NUMB: variants seen among roughly 807,000 people sequenced by gnomAD.
NUMB encodes NUMB endocytic adaptor protein, also known as protein numb homolog.
NUMB carries 29 observed loss-of-function variants against 59.7 expected under a neutral mutation model. The observed-to-expected ratio is 0.49, with a 90% CI of 0.36 to 0.66. The LOEUF is 0.66. NUMB is among the 30% of genes least tolerant of loss of function. The probability of loss-of-function intolerance (pLI) is 0.00; values close to 1 mark genes in which losing one functional copy is unlikely to be tolerated. For missense variants in NUMB, 723 were observed against 822.0 expected, an observed-to-expected ratio of 0.88 and a Z score of 1.47; for synonymous variants, 288 against 288.2, an observed-to-expected ratio of 1.00 and a Z score of 0.01.
chr14:73,410,978 T>A (rs1335731983), intron 1 of NUMB, among the ~76,000 whole-genome samples: 1 of 152,206 alleles, frequency 6.6e-6, no homozygotes, highest in African/African-American at 2.4e-5. Flanking sequence ...GGGTTAAGTC[T>A]TCTAATACAG....
At chr14:73,422,364 C>T (rs999789212) in intron 1 of NUMB, among the ~76,000 whole-genome samples, 1 of 152,084 alleles carries the variant, frequency 6.6e-6, no homozygotes, top group Non-Finnish European at 1.5e-5. Context: ...TTGTGGAGAA[C>T]CAGAGCCTTT....
chr14:73,431,684 G>A (rs1224395987), intron 1 of NUMB, among the ~76,000 whole-genome samples: 1 of 151,956 alleles, frequency 6.6e-6, no homozygotes, highest in East Asian at 1.9e-4. Context: ...AGGAGGCAGA[G>A]GTTGCAGTGA....
intron 12 of NUMB, among the ~76,000 whole-genome samples, chr14:73,277,726 C>T (rs1287390658): frequency 6.6e-6 from 1 of 150,912 alleles, no homozygotes; most frequent in Non-Finnish European, 1.5e-5. Flanking sequence ...TGTGCCACTG[C>T]ACTCTGGCCT....
chr14:73,330,664 G>C (rs767294677), intron 4 of NUMB, among the ~76,000 whole-genome samples: 1 of 152,140 alleles, frequency 6.6e-6, no homozygotes, highest in Non-Finnish European at 1.5e-5. Context: ...CCCACACATA[G>C]CAAATACTAT....
At chr14:73,411,979 C>T (rs1396016549) in intron 1 of NUMB, among the ~76,000 whole-genome samples, 2 of 136,884 alleles carry the variant, frequency 1.5e-5, no homozygotes, top group East Asian at 4.6e-4. Context: ...GGCTAGAGTG[C>T]AGTGGTACAA....
intron 4 of NUMB, among the ~76,000 whole-genome samples, chr14:73,352,028 GATTA>G (rs1445248506): frequency 6.6e-6 from 1 of 151,588 alleles, no homozygotes; most frequent in Non-Finnish European, 1.5e-5. Flanking sequence ...TGCTTAATAG[GATTA>G]ATTTTATGTT....
intron 5 of NUMB, among the ~76,000 whole-genome samples, chr14:73,318,325 A>C (rs1462006641): frequency 6.6e-6 from 1 of 152,262 alleles, no homozygotes; most frequent in Non-Finnish European, 1.5e-5. Flanking sequence ...ATGCATAAAA[A>C]GACAGTTATT....
intron 1 of NUMB, among the ~76,000 whole-genome samples, chr14:73,420,990 T>C (rs1232961557): frequency 6.6e-6 from 1 of 151,992 alleles, no homozygotes; most frequent in Non-Finnish European, 1.5e-5. Flanking sequence ...GGAAAAAAAA[T>C]CTATCTTTAG....
At chr14:73,329,993 C>A (rs1034196212) in intron 4 of NUMB, among the ~76,000 whole-genome samples, 8 of 152,132 alleles carry the variant, frequency 5.3e-5, no homozygotes, top group African/African-American at 7.2e-5. Context: ...CTGCTTATTT[C>A]TTTTACTAAT....
chr14:73,386,405 C>T (rs2140088202), intron 2 of NUMB, among the ~76,000 whole-genome samples: 1 of 152,300 alleles, frequency 6.6e-6, no homozygotes, highest in East Asian at 1.9e-4. Flanking sequence ...CCACTACCCA[C>T]CCATACACCA....
At chr14:73,413,163 C>T (rs1156689938) in intron 1 of NUMB, among the ~76,000 whole-genome samples, 1 of 151,738 alleles carries the variant, frequency 6.6e-6, no homozygotes, top group Non-Finnish European at 1.5e-5. Flanking sequence ...CGGCTCACTG[C>T]AACCTCTGCC....
intron 1 of NUMB, among the ~76,000 whole-genome samples, chr14:73,428,325 T>C (rs1037024230): frequency 1.3e-5 from 2 of 152,196 alleles, no homozygotes; most frequent in Admixed American, 6.6e-5. Context: ...AAGAACACTT[T>C]ATGAGGTCTC....
Position 73,319,009 on chromosome 14 carries a change from C to T in NUMB, c.202-2587G>A, listed in dbSNP as rs891490065. 2.6e-5 allele frequency among the ~76,000 whole-genome samples: 4 copies of T among 152,322 alleles called. No homozygotes were observed. The East Asian group carries it at 7.7e-4, about 29-fold the overall frequency. ...CGCTAGAAGGCTGGGCGCAGTGGCT[C>T]ATGCCTGTAATCCCAGCACTTTGGG... On this transcript the variant is annotated intron_variant, in intron 5 of 12. Transcript: ENST00000555238.
chr14:73,302,098 TA>T (rs1170410950), intron 6 of NUMB, among the ~76,000 whole-genome samples: 5 of 151,760 alleles, frequency 3.3e-5, no homozygotes, highest in African/African-American at 1.2e-4. Context: ...TAAAAAAAAA[TA>T]AAAAAAATTG....
At chr14:73,454,858 T>A (rs1472946359) in intron 1 of NUMB, among the ~76,000 whole-genome samples, 1 of 152,198 alleles carries the variant, frequency 6.6e-6, no homozygotes, top group Admixed American at 6.5e-5. Flanking sequence ...CTATTTGTCA[T>A]ATAGGATTTC....
chr14:73,289,857 C>CTACA (rs1367125751), intron 8 of NUMB, among the ~76,000 whole-genome samples: 1 of 152,154 alleles, frequency 6.6e-6, no homozygotes, highest in Non-Finnish European at 1.5e-5. Context: ...AAGGACAGAG[C>CTACA]TACAGGTCAA....
chr14:73,286,916 A>C, intron 9 of NUMB, 194 bp downstream of exon 9: 1 of 602,226 alleles, frequency 1.7e-6, no homozygotes, highest in East Asian at 2.8e-5. Flanking sequence ...ACTATAATGG[A>C]GTAAATATTT....
intron 1 of NUMB, among the ~76,000 whole-genome samples, chr14:73,454,232 A>G (rs767781638): frequency 9.9e-5 from 15 of 152,118 alleles, no homozygotes; most frequent in Non-Finnish European, 1.3e-4. Flanking sequence ...AAAAAAAAGG[A>G]AAAAAATCAG....
At chr14:73,343,496 C>T (rs1450031265) in intron 4 of NUMB, among the ~76,000 whole-genome samples, 1 of 152,186 alleles carries the variant, frequency 6.6e-6, no homozygotes, top group Admixed American at 6.5e-5. Context: ...GAAGAACCTA[C>T]CTCCCTTGAT....
Sources: allele counts gnomAD v4.1 joint callset (sites outside exome capture counted in the v4.1 genomes callset), GRCh38; gene constraint gnomAD v4.1.1; transcripts MANE v1.5; gene names NCBI Gene and HGNC (gene_info 2026-07-23, HGNC 2026-07-21).